The following GRK5 variants were observed in gnomAD, a reference collection of about 807,000 sequenced individuals.
GRK5 encodes G protein-coupled receptor kinase 5, also known as g protein-coupled receptor kinase GRK5.
In GRK5, 40 loss-of-function variants were observed where a neutral mutation model predicts 78.4. That is an observed-to-expected ratio of 0.51 (90% CI 0.40 to 0.66). GRK5 has a LOEUF of 0.66. Among genes scored for constraint, GRK5 ranks in the 30% least tolerant of loss-of-function variants. GRK5 has a pLI of 0.00. For synonymous variants in GRK5, 289 were observed against 296.8 expected (o/e 0.97, Z 0.27); for missense variants, 598 against 759.9 (o/e 0.79, Z 2.50).
At chr10:119,226,370 G>A (rs1848741329) in intron 1 of GRK5, among the ~76,000 whole-genome samples, 1 of 144,818 alleles carries the variant, frequency 6.9e-6, no homozygotes, top group East Asian at 2.0e-4. Flanking sequence ...GGAGTGCAGT[G>A]GAGCAATCTC....
chr10:119,207,831 G>A lies in GRK5; in HGVS notation c.-87G>A. 1 of 1,310,132 alleles carries A rather than the reference G, an allele frequency of 7.6e-7. No individual in the cohort carries two copies. The highest frequency in any genetic ancestry group is 1.0e-6 in the Non-Finnish European group (1 of 955,558). The allele number at this position is 1,310,132 out of a possible 1,614,324, so 81.2% of individuals were successfully genotyped here. A position where few individuals can be genotyped will look rare whatever the true frequency, so the allele number is the denominator to read the frequency against. ...TCCCCCGGCTCCGGCAGCAGCGGCG[G>A]CAGCCCGAGCAGCGGCAGCAGCAGC... On this transcript the variant is annotated 5_prime_UTR_variant, in exon 1 of 16. Coordinates refer to ENST00000392870, the MANE Select transcript of GRK5 (RefSeq NM_005308.3).
chr10:119,279,411 C>A (rs1271762701), intron 1 of GRK5, among the ~76,000 whole-genome samples: 1 of 152,186 alleles, frequency 6.6e-6, no homozygotes, highest in Non-Finnish European at 1.5e-5. Flanking sequence ...GAAAGATGAG[C>A]TGGATAGTTC....
rs913567965 is a variant in GRK5 at position 119,445,051 on chromosome 10, G to A, written c.1266+1299G>A. Among the ~76,000 whole-genome samples, 1 of 152,152 alleles carries A rather than the reference G, an allele frequency of 6.6e-6. No homozygotes were observed. Among genetic ancestry groups the A allele is most frequent in the Non-Finnish European group, 1.5e-5 (1 of 68,026 alleles). On this transcript the variant is annotated intron_variant, in intron 12 of 15. Transcript: ENST00000392870. This position sits in a 1 kb window ranked among gnomAD's most constrained non-coding sequence, Gnocchi z 4.1. ...CCTCATCCTCACATCACAGAGCTGT[G>A]GGAAGAAGTCCTGTGTGTACAGCAG...
chr10:119,454,418 T>G (rs1381317852), intron 15 of GRK5, among the ~76,000 whole-genome samples: 1 of 152,174 alleles, frequency 6.6e-6, no homozygotes, highest in Non-Finnish European at 1.5e-5. Context: ...CCAGCACCTG[T>G]GAAGCAAACG....
At chr10:119,252,497 C>G (rs930415412) in intron 1 of GRK5, among the ~76,000 whole-genome samples, 2 of 152,022 alleles carry the variant, frequency 1.3e-5, no homozygotes, top group Non-Finnish European at 2.9e-5. Context: ...GCTGGAGAGG[C>G]GGGGAAGGGC....
chr10:119,341,733 T>G (rs547838550), intron 2 of GRK5, among the ~76,000 whole-genome samples: 1 of 152,150 alleles, frequency 6.6e-6, no homozygotes, highest in Non-Finnish European at 1.5e-5. Flanking sequence ...CAGGCACTTG[T>G]AGAATCTTGT....
In GRK5 at chr10:119,430,555, A is replaced by T. The variant is rs1589806406; in HGVS notation, c.597+117A>T. On this transcript the variant is annotated intron_variant, in intron 7 of 15. Coordinates refer to ENST00000392870, the MANE Select transcript of GRK5 (RefSeq NM_005308.3). This position sits in a 1 kb window ranked among gnomAD's most constrained non-coding sequence, Gnocchi z 4.5. ...GGTCCCCCGGGGGCACCAGTGGCTC[A>T]ATGTGGGCCCCGGGGGCAGTGAGGG... The T allele has an allele frequency of 4.6e-5, 38 of 820,878 alleles. No individual in the cohort carries two copies. The East Asian group carries it at 9.5e-4, about 21-fold the overall frequency. 50.8% of individuals were successfully genotyped at this position (820,878 alleles called of 1,614,324 possible). A position where few individuals can be genotyped will look rare whatever the true frequency, so the allele number is the denominator to read the frequency against.
intron 1 of GRK5, among the ~76,000 whole-genome samples, chr10:119,301,340 G>A (rs1850178409): frequency 6.6e-6 from 1 of 152,314 alleles, no homozygotes; most frequent in East Asian, 1.9e-4. Flanking sequence ...GCCCTTTTGA[G>A]GCTGGCTCCT....
intron 8 of GRK5, 35 bp from the exon 9 acceptor site, chr10:119,436,616 A>G (rs1323789437): frequency 6.2e-7 from 1 of 1,609,228 alleles, no homozygotes; most frequent in African/African-American, 1.3e-5. Context: ...GGCCATTGTC[A>G]CAACCTCCCC....
intron 4 of GRK5, among the ~76,000 whole-genome samples, chr10:119,417,090 G>A (rs1451302959): frequency 6.6e-6 from 1 of 152,220 alleles, no homozygotes; most frequent in Non-Finnish European, 1.5e-5. Flanking sequence ...CCTGCTTCAT[G>A]GGCCTTGGCT....
intron 1 of GRK5, among the ~76,000 whole-genome samples, chr10:119,240,813 C>T (rs547040730): frequency 1.6e-4 from 24 of 152,000 alleles, no homozygotes; most frequent in Non-Finnish European, 2.8e-4. Context: ...AACTCCTGAG[C>T]TCAAGCAATC....
At chr10:119,380,067 C>T (rs1251537669) in intron 2 of GRK5, among the ~76,000 whole-genome samples, 1 of 152,160 alleles carries the variant, frequency 6.6e-6, no homozygotes, top group Non-Finnish European at 1.5e-5. Context: ...TAAGACTGGG[C>T]TTTTCTCCAG....
In GRK5 at chr10:119,379,628, G is replaced by A. The variant is rs1029703884; in HGVS notation, c.149-1187G>A. 1.3e-5 allele frequency among the ~76,000 whole-genome samples: 2 copies of A among 152,040 alleles called. No individual in the cohort carries two copies. The highest frequency in any genetic ancestry group is 2.4e-5 in the African/African-American group (1 of 41,386). Reference sequence around the variant, plus strand: ...TATCGCCCTCTTCCCTGTTTCCCACGAACTCATCCGACTGTGTCCCGTGCA... The same window carrying A: ...TATCGCCCTCTTCCCTGTTTCCCACAAACTCATCCGACTGTGTCCCGTGCA... On this transcript the variant is annotated intron_variant, in intron 2 of 15. Coordinates refer to ENST00000392870, the MANE Select transcript of GRK5 (RefSeq NM_005308.3). The surrounding 1 kb of genome is among the most constrained non-coding windows in gnomAD (Gnocchi z 4.1).
At chr10:119,228,326 CAAAGTGAT>C (rs1178011657) in intron 1 of GRK5, among the ~76,000 whole-genome samples, 3 of 146,378 alleles carry the variant, frequency 2.0e-5, no homozygotes, top group Non-Finnish European at 4.5e-5. Context: ...GCCTGGGTGA[CAAAGTGAT>C]ACCCTGTCTC....
Position 119,350,606 on chromosome 10 carries a change from C to A in GRK5, c.148+23995C>A, listed in dbSNP as rs1851172878. 3.3e-5 allele frequency among the ~76,000 whole-genome samples: 5 copies of A among 152,212 alleles called. No individual in the cohort carries two copies. The South Asian group carries it at 1.0e-3, about 31-fold the overall frequency. ...CTTTTCAGCTGTCGAAGTGGTGCAA[C>A]CCTCTTTCAGAAGGTTTTATTTGTC... On this transcript the variant is annotated intron_variant, in intron 2 of 15. Transcript: ENST00000392870.
At chr10:119,424,225 C>T (rs1454209920) in intron 5 of GRK5, among the ~76,000 whole-genome samples, 1 of 152,148 alleles carries the variant, frequency 6.6e-6, no homozygotes, top group African/African-American at 2.4e-5. Flanking sequence ...TGGCTCCCAA[C>T]GATGGCTTTC....
At chr10:119,313,019 A>AGTGGTAATGGCAGTGGTGATGGTG (rs1564886946) in intron 1 of GRK5, among the ~76,000 whole-genome samples, 2 of 12,460 alleles carry the variant, frequency 1.6e-4, no homozygotes, top group Non-Finnish European at 1.5e-4. Context: ...CGGTGATGGT[A>AGTGGTAATGGCAGTGGTGATGGTG]GTGGTAATGG....
At chr10:119,424,943 T>C in intron 5 of GRK5, 50 bp from the exon 6 acceptor site, 1 of 1,330,038 alleles carries the variant, frequency 7.5e-7, no homozygotes, top group Non-Finnish European at 1.1e-6. Context: ...GCCCCCCTGC[T>C]TGAAGATCGG....
chr10:119,442,616 G>T (rs372466660), intron 11 of GRK5, among the ~76,000 whole-genome samples: 8 of 152,154 alleles, frequency 5.3e-5, no homozygotes, highest in African/African-American at 1.9e-4. Flanking sequence ...AGAATCCCCC[G>T]TCCAATTGGG....
Sources: allele counts gnomAD v4.1 joint callset (sites outside exome capture counted in the v4.1 genomes callset), GRCh38; gene constraint gnomAD v4.1.1; non-coding constraint Gnocchi (gnomAD v3.1); transcripts MANE v1.5; gene names NCBI Gene and HGNC (gene_info 2026-07-23, HGNC 2026-07-21).